The following CHMP3 variants were observed in gnomAD, a reference collection of about 807,000 sequenced individuals.
The protein encoded by CHMP3 is charged multivesicular body protein 3.
CHMP3 carries 8 observed loss-of-function variants against 27.4 expected under a neutral mutation model. The ratio of observed to expected loss-of-function variants is 0.29; its 90% CI spans 0.17 to 0.53. The LOEUF is 0.53. CHMP3 is among the 20% of genes least tolerant of loss of function. The probability of loss-of-function intolerance (pLI) is 0.96; values close to 1 mark genes in which losing one functional copy is unlikely to be tolerated. For missense variants in CHMP3, 208 were observed against 271.5 expected, an observed-to-expected ratio of 0.77 and a Z score of 1.64; for synonymous variants, 86 against 85.5, an observed-to-expected ratio of 1.01 and a Z score of -0.03.
At chr2:86,514,284 G>A (rs986884491) in intron 3 of CHMP3, among the ~76,000 whole-genome samples, 3 of 152,168 alleles carry the variant, frequency 2.0e-5, no homozygotes, top group East Asian at 1.9e-4. Flanking sequence ...CAAGTTTTCC[G>A]TTATTTGCTG....
intron 1 of CHMP3, among the ~76,000 whole-genome samples, chr2:86,550,352 G>C (rs952033166): frequency 6.6e-6 from 1 of 151,960 alleles, no homozygotes; most frequent in Admixed American, 6.6e-5. Context: ...GTCCAGCCTC[G>C]GCAACAGAGG....
Position 86,529,417 on chromosome 2 carries a change from C to A in CHMP3, c.107-20G>T. 1 of 1,553,806 alleles carries A rather than the reference C, an allele frequency of 6.4e-7. No individual in the cohort carries two copies. The highest frequency in any genetic ancestry group is 8.7e-7 in the Non-Finnish European group (1 of 1,151,102). On this transcript the variant is annotated intron_variant, in intron 2 of 5. Coordinates refer to ENST00000263856, the MANE Select transcript of CHMP3 (RefSeq NM_016079.4). ...GGATATCTAAATTTAGAACAGAACA[C>A]CAAAAATCAAGGGTAAGTCAGGTTT...
intron 1 of CHMP3, among the ~76,000 whole-genome samples, chr2:86,551,083 T>C (rs1408431406): frequency 6.6e-6 from 1 of 152,208 alleles, no homozygotes; most frequent in Non-Finnish European, 1.5e-5. Flanking sequence ...CATTTGCTTC[T>C]GGCAAACATA....
chr2:86,559,596 G>A (rs1677266601), intron 1 of CHMP3, among the ~76,000 whole-genome samples: 1 of 152,206 alleles, frequency 6.6e-6, no homozygotes, highest in Non-Finnish European at 1.5e-5. Context: ...CAAGTCACAG[G>A]TGTGAGAGAA....
intron 1 of CHMP3, among the ~76,000 whole-genome samples, chr2:86,550,275 C>T (rs981294579): frequency 3.9e-5 from 6 of 152,128 alleles, no homozygotes; most frequent in Admixed American, 6.5e-5. Context: ...ACTTGGCAGG[C>T]CGAGGTAGGA....
chr2:86,552,225 G>C (rs1274404737), intron 1 of CHMP3, among the ~76,000 whole-genome samples: 1 of 152,212 alleles, frequency 6.6e-6, no homozygotes, highest in African/African-American at 2.4e-5. Flanking sequence ...CGGTGCTTCT[G>C]AGAGGAACGG....
chr2:86,563,108 G>A (rs577098687), intron 1 of CHMP3, 196 bp downstream of exon 1: 6 of 581,712 alleles, frequency 1.0e-5, no homozygotes, highest in African/African-American at 9.2e-5. Flanking sequence ...CGAGAGCCAT[G>A]GCACCAGGAG....
At chr2:86,539,194 A>G (rs2103976235) in intron 2 of CHMP3, among the ~76,000 whole-genome samples, 1 of 152,306 alleles carries the variant, frequency 6.6e-6, no homozygotes, top group East Asian at 1.9e-4. Flanking sequence ...TTCTTTCACA[A>G]GTAACATTTA....
intron 1 of CHMP3, among the ~76,000 whole-genome samples, chr2:86,549,829 C>T (rs1332932658): frequency 4.8e-5 from 7 of 147,360 alleles, no homozygotes; most frequent in East Asian, 2.1e-4. Context: ...GCGGGGTGGC[C>T]GGGAAGAGGC....
rs1386110607 is a variant in CHMP3, at chr2:86,505,865, T to A, written c.608A>T (p.Glu203Val). The A allele has an allele frequency of 6.2e-7, 1 of 1,603,988 alleles. No homozygotes were observed. The highest frequency in any genetic ancestry group is 1.7e-5 in the Admixed American group (1 of 58,680). Residue 203 changes from glutamate (E) to valine (V), a missense_variant, in exon 6 of 6, where the codon GAG becomes GTG. This residue lies in a region of CHMP3 where 62 missense variants were observed against 68.4 expected (regional missense o/e 0.91). Coordinates refer to ENST00000263856, the MANE Select transcript of CHMP3 (RefSeq NM_016079.4). ...PPGAMAASED[E>V]EEEEEALEAM... is the part of the protein sequence containing the mutation. ...CTCCAGAGCCTCTTCCTCCTCCTCC[T>A]CATCCTCTGAGGCAGCCATCGCTCC...
At chr2:86,531,814 C>G (rs780359809) in intron 2 of CHMP3, among the ~76,000 whole-genome samples, 2 of 152,118 alleles carry the variant, frequency 1.3e-5, no homozygotes, top group African/African-American at 4.8e-5. Context: ...CTATTCCATT[C>G]GTTTATATGT....
Position 86,510,516 on chromosome 2 carries a change from G to A in CHMP3, c.287-37C>T, listed in dbSNP as rs559408585. The A allele has an allele frequency of 1.9e-5, 31 of 1,604,782 alleles. No individual in the cohort carries two copies. The African/African-American group carries it at 2.3e-4, about 12-fold the overall frequency. On this transcript the variant is annotated intron_variant, in intron 3 of 5. Coordinates refer to ENST00000263856, the MANE Select transcript of CHMP3 (RefSeq NM_016079.4). ...TGTGTACAGTCAGGATTGTTCAACA[G>A]GATGGAATAGAGAGAGACAGCCAAA...
intron 3 of CHMP3, among the ~76,000 whole-genome samples, chr2:86,517,090 A>G (rs1298388006): frequency 6.6e-6 from 1 of 152,212 alleles, no homozygotes; most frequent in African/African-American, 2.4e-5. Context: ...ATGTGAGTCT[A>G]CTATTTTCTA....
At chr2:86,535,180 C>CA (rs1343170355) in intron 2 of CHMP3, among the ~76,000 whole-genome samples, 1 of 149,920 alleles carries the variant, frequency 6.7e-6, no homozygotes, top group Admixed American at 6.7e-5. Flanking sequence ...TGCTAGAGCC[C>CA]AGGAGGTCGA....
chr2:86,559,316 C>T (rs557628455), intron 1 of CHMP3, among the ~76,000 whole-genome samples: 53 of 152,320 alleles, frequency 3.5e-4, no homozygotes, highest in Admixed American at 3.1e-3. Context: ...CTAGGTTCTC[C>T]GGCCTTCAAC....
intron 1 of CHMP3, 36 bp downstream of exon 1, chr2:86,563,268 A>C (rs764200610): frequency 5.0e-6 from 8 of 1,612,958 alleles, no homozygotes; most frequent in Non-Finnish European, 6.8e-6. Context: ...CCCCACACAG[A>C]TCCACCCGCT....
chr2:86,533,107 G>T (rs1410736111), intron 2 of CHMP3, among the ~76,000 whole-genome samples: 1 of 152,088 alleles, frequency 6.6e-6, no homozygotes. Flanking sequence ...TCCCTACTAG[G>T]TATAAGTCTG....
At chr2:86,522,867 T>G (rs1455853104) in intron 3 of CHMP3, among the ~76,000 whole-genome samples, 1 of 152,208 alleles carries the variant, frequency 6.6e-6, no homozygotes, top group Non-Finnish European at 1.5e-5. Flanking sequence ...GACTCCAACT[T>G]ACCTTTCCAG....
chr2:86,507,666 G>T, intron 4 of CHMP3, 73 bp from the exon 5 acceptor site: 2 of 1,329,294 alleles, frequency 1.5e-6, no homozygotes, highest in South Asian at 1.2e-5. Flanking sequence ...ACATCACCTA[G>T]ACCGAGCTCT....
Sources: gnomAD v4.1 joint callset for allele counts (sites outside exome capture counted in the v4.1 genomes callset) on GRCh38, gnomAD v4.1.1 for gene constraint, gnomAD v4.1.1 regional missense constraint, MANE v1.5 for transcripts, NCBI Gene and HGNC (gene_info 2026-07-23, HGNC 2026-07-21) for gene names.